Variants in CORIN observed in about 807,000 individuals in gnomAD.
The protein encoded by CORIN is atrial natriuretic peptide-converting enzyme.
In CORIN, 117 loss-of-function variants were observed where a neutral mutation model predicts 125.3. That is an observed-to-expected ratio of 0.93 (90% CI 0.80 to 1.09). The LOEUF (loss-of-function observed/expected upper bound fraction) is 1.09. CORIN is among the 50% of genes least tolerant of loss of function. The pLI, the probability that CORIN is intolerant of heterozygous loss-of-function variation, is 0.00. For missense variants in CORIN, 1,253 were observed against 1,306.7 expected (o/e 0.96, Z 0.63); for synonymous variants, 450 against 466.4 (o/e 0.96, Z 0.45).
chr4:47,734,819 G>A, intron 5 of CORIN, among the ~76,000 whole-genome samples: 1 of 152,142 alleles, frequency 6.6e-6, no homozygotes, highest in Non-Finnish European at 1.5e-5. Context: ...TACCTACTAG[G>A]TGTTAGTAGC....
chr4:47,701,486 TA>T (rs201541036), intron 5 of CORIN, among the ~76,000 whole-genome samples: 60 of 151,420 alleles, frequency 4.0e-4, no homozygotes, highest in Non-Finnish European at 5.6e-4. Flanking sequence ...TATTACTCTA[TA>T]AAAAAAAATT....
chr4:47,707,076 T>C (rs986010430), intron 5 of CORIN: 10 of 1,423,762 alleles, frequency 7.0e-6, no homozygotes, highest in Middle Eastern at 2.6e-4. Context: ...TTAAAACTAG[T>C]CTGCAGATGT....
At chr4:47,661,619 C>CAAAT in intron 12 of CORIN, 92 bp downstream of exon 12, 1 of 1,195,314 alleles carries the variant, frequency 8.4e-7, no homozygotes, top group South Asian at 2.1e-5. Context: ...AGAAAACAAA[C>CAAAT]AAACAAGAAG....
rs773404926 is a variant in CORIN at position 47,642,893 on chromosome 4, T to C, written c.2068+253A>G. 6.8e-6 allele frequency: 10 copies of C among 1,480,642 alleles called. No individual in the cohort carries two copies. The South Asian group carries it at 1.2e-4, about 18-fold the overall frequency. 91.7% of individuals were successfully genotyped at this position (1,480,642 alleles called of 1,614,324 possible). On this transcript the variant is annotated intron_variant, in intron 15 of 21. Coordinates refer to ENST00000273857, the MANE Select transcript of CORIN (RefSeq NM_006587.4). ...TTTTTAAATCCTCTCCCAGCAATTA[T>C]ATGATTACAACATTTTGAACCCAAA...
chr4:47,661,927 T>C, intron 11 of CORIN, 71 bp from the exon 12 acceptor site: 1 of 1,427,276 alleles, frequency 7.0e-7, no homozygotes, highest in South Asian at 1.4e-5. Context: ...CATAAATTTA[T>C]GTCAAGTTTT....
chr4:47,621,692 T>A (rs913447057), intron 19 of CORIN, among the ~76,000 whole-genome samples: 1 of 152,166 alleles, frequency 6.6e-6, no homozygotes, highest in Non-Finnish European at 1.5e-5. Context: ...TGTATCAATT[T>A]GGCTGGGCCA....
At chr4:47,723,995 C>CAA (rs766930754) in intron 5 of CORIN, among the ~76,000 whole-genome samples, 9,150 of 58,674 alleles carry the variant, frequency 0.16, 483 homozygotes, top group East Asian at 0.34. Context: ...GACTCCATCT[C>CAA]AAAAAAAAAA....
At chr4:47,724,821 C>G (rs1727513617) in intron 5 of CORIN, among the ~76,000 whole-genome samples, 1 of 152,280 alleles carries the variant, frequency 6.6e-6, no homozygotes, top group Middle Eastern at 3.4e-3. Context: ...ATTAGGTCTA[C>G]TGAGGATATT....
intron 2 of CORIN, among the ~76,000 whole-genome samples, chr4:47,795,564 A>G (rs547344608): frequency 6.6e-6 from 1 of 151,950 alleles, no homozygotes; most frequent in Non-Finnish European, 1.5e-5. Flanking sequence ...TTTCTTAGAC[A>G]TGACATAAAA....
chr4:47,734,133 T>C lies in CORIN; in HGVS notation c.799+10269A>G, dbSNP rs570420159. Among the ~76,000 whole-genome samples, 9 of 152,268 alleles carry C rather than the reference T, an allele frequency of 5.9e-5. No homozygotes were observed. The East Asian group carries it at 1.3e-3, about 23-fold the overall frequency. Reference sequence around the variant, plus strand: ...TTAAAATAAGCTGGGAATGACCTCCTGAACCTCAGTTTCTTAATTTATAAA... The same window carrying C: ...TTAAAATAAGCTGGGAATGACCTCCCGAACCTCAGTTTCTTAATTTATAAA... On this transcript the variant is annotated intron_variant, in intron 5 of 21. Transcript: ENST00000273857.
At chr4:47,735,887 C>T (rs1251910798) in intron 5 of CORIN, among the ~76,000 whole-genome samples, 1 of 147,446 alleles carries the variant, frequency 6.8e-6, no homozygotes, top group Non-Finnish European at 1.5e-5. Flanking sequence ...GATCGCGTCA[C>T]TGCACTCCAG....
rs373809551 is a variant in CORIN at position 47,669,150 on chromosome 4, C to CA, written c.1358-3888dup. Among the ~76,000 whole-genome samples, 1,128 of 150,494 alleles carry CA rather than the reference C, an allele frequency of 7.5e-3. 14 individuals carry two copies. The highest frequency in any genetic ancestry group is 0.026 in the African/African-American group (1,057 of 40,864). On this transcript the variant is annotated intron_variant, in intron 10 of 21. Coordinates refer to ENST00000273857, the MANE Select transcript of CORIN (RefSeq NM_006587.4). ...CAGATGAGGTTTAATAAAGATCTGT[C>CA]AAAGAAAAAAATCCTGATGGAATCT...
At chr4:47,699,404 T>A (rs952366472) in intron 5 of CORIN, among the ~76,000 whole-genome samples, 1 of 152,212 alleles carries the variant, frequency 6.6e-6, no homozygotes, top group African/African-American at 2.4e-5. Context: ...CCCAAGACCA[T>A]CAAAATTGCA....
chr4:47,731,374 T>A (rs1372545189), intron 5 of CORIN, among the ~76,000 whole-genome samples: 2 of 152,144 alleles, frequency 1.3e-5, no homozygotes, highest in South Asian at 4.1e-4. Context: ...CATTTGTAGT[T>A]GTCAGTGTAC....
intron 1 of CORIN, among the ~76,000 whole-genome samples, chr4:47,815,270 A>C (rs904959907): frequency 9.9e-5 from 15 of 152,120 alleles, no homozygotes; most frequent in African/African-American, 3.6e-4. Context: ...AAAAATGAAA[A>C]AAAAATGTTT....
chr4:47,612,097 A>C (rs1721891296), intron 19 of CORIN, among the ~76,000 whole-genome samples: 1 of 151,922 alleles, frequency 6.6e-6, no homozygotes, highest in Admixed American at 6.6e-5. Context: ...AGAGAGGAGC[A>C]CCTCCTTTTC....
At chr4:47,654,274 G>A (rs1723862854) in intron 12 of CORIN, among the ~76,000 whole-genome samples, 1 of 152,090 alleles carries the variant, frequency 6.6e-6, no homozygotes, top group Admixed American at 6.6e-5. Flanking sequence ...GGAGCAAGAT[G>A]GCCAAATAGA....
Position 47,665,086 on chromosome 4 carries a change from G to T in CORIN, c.1535C>A (p.Thr512Asn), listed in dbSNP as rs777834289. Residue 512 changes from threonine to asparagine, a missense_variant, in exon 11 of 22, where the codon ACC becomes AAC. Transcript: ENST00000273857. ...CYKYLMFFSC[T>N]ILVPKCDVNT... ...CACATCACATTTTGGTACCAAAATG[G>T]TGCAAGAAAAGAACATGAGGTATTT... The T allele has an allele frequency of 1.2e-6, 2 of 1,613,734 alleles. No homozygotes were observed. The highest frequency in any genetic ancestry group is 2.2e-5 in the South Asian group (2 of 91,070).
chr4:47,757,996 C>T (rs1340592203), intron 4 of CORIN, among the ~76,000 whole-genome samples: 1 of 151,266 alleles, frequency 6.6e-6, no homozygotes, highest in African/African-American at 2.4e-5. Context: ...TCACTGCAAG[C>T]TCCACCTCCC....
Sources: gnomAD v4.1 joint callset for allele counts (sites outside exome capture counted in the v4.1 genomes callset) on GRCh38, gnomAD v4.1.1 for gene constraint, MANE v1.5 for transcripts, NCBI Gene and HGNC (gene_info 2026-07-23, HGNC 2026-07-21) for gene names.